Variants in SHROOM3 observed in about 807,000 individuals in gnomAD.
The protein encoded by SHROOM3 is protein Shroom3.
SHROOM3 carries 47 observed loss-of-function variants against 138.6 expected under a neutral mutation model. The observed-to-expected ratio is 0.34, with a 90% CI of 0.27 to 0.43. The LOEUF is 0.43. Among genes scored for constraint, SHROOM3 ranks in the 20% least tolerant of loss-of-function variants. The pLI is 1.00. For synonymous variants in SHROOM3, 1,062 were observed against 1,063.3 expected (o/e 1.00, Z 0.02); for missense variants, 2,491 against 2,596.5 (o/e 0.96, Z 0.88).
chr4:76,482,649 CT>C (rs1327696146), intron 1 of SHROOM3, among the ~76,000 whole-genome samples: 1 of 152,112 alleles, frequency 6.6e-6, no homozygotes, highest in Non-Finnish European at 1.5e-5. Context: ...GAAAAAATTA[CT>C]TTAAATTTCA....
In SHROOM3 at chr4:76,741,373, C is replaced by G. The variant is rs1344553981; in HGVS notation, c.3200C>G (p.Ala1067Gly). ...RRRLFERDGK[A>G]CSTLSLSGPE... is the part of the protein sequence containing the mutation. ...CGTCTCTTCGAGCGCGATGGCAAGG[C>G]CTGCTCCACGCTCAGCCTGTCGGGG... The change falls in exon 5 of 11, where the codon GCC becomes GGC. Residue 1067 changes from alanine to glycine, a missense_variant. By Grantham distance (60) the Ala-to-Gly change is moderately conservative. Coordinates refer to ENST00000296043, the MANE Select transcript of SHROOM3 (RefSeq NM_020859.4). The surrounding 1 kb of genome is among the most constrained non-coding windows in gnomAD (Gnocchi z 6.2). The G allele has an allele frequency of 2.1e-5, 34 of 1,604,916 alleles. No individual in the cohort carries two copies. The highest frequency in any genetic ancestry group is 2.8e-5 in the Non-Finnish European group (33 of 1,176,688).
chr4:76,629,980 T>C (rs1054190266), intron 2 of SHROOM3, among the ~76,000 whole-genome samples: 7 of 152,170 alleles, frequency 4.6e-5, no homozygotes, highest in African/African-American at 1.7e-4. Flanking sequence ...TGCTAATTCC[T>C]GAAAGTCCCG....
At chr4:76,450,015 G>T (rs58139176) in intron 1 of SHROOM3, among the ~76,000 whole-genome samples, 2,117 of 152,214 alleles carry the variant, frequency 0.014, 45 homozygotes, top group African/African-American at 0.047. Context: ...ACAGGGAGGG[G>T]TATTTCATCA....
At chr4:76,575,908 A>C (rs1733927370) in intron 2 of SHROOM3, among the ~76,000 whole-genome samples, 1 of 152,202 alleles carries the variant, frequency 6.6e-6, no homozygotes, top group Non-Finnish European at 1.5e-5. Flanking sequence ...AACATCATTG[A>C]TTATTAGAGA....
intron 1 of SHROOM3, among the ~76,000 whole-genome samples, chr4:76,547,942 C>G (rs1480678857): frequency 1.3e-5 from 2 of 151,668 alleles, no homozygotes; most frequent in African/African-American, 4.8e-5. Context: ...AACACACACA[C>G]ACACACACAC....
intron 2 of SHROOM3, among the ~76,000 whole-genome samples, chr4:76,610,893 A>G (rs765317162): frequency 6.6e-6 from 1 of 152,170 alleles, no homozygotes; most frequent in African/African-American, 2.4e-5. Context: ...GATTCAGGCA[A>G]TTGGTGACGA....
In SHROOM3 at chr4:76,770,878, G is replaced by A. The variant is rs776757151; in HGVS notation, c.5602G>A (p.Asp1868Asn). The A allele has an allele frequency of 4.3e-6, 7 of 1,614,142 alleles. No homozygotes were observed. The highest frequency in any genetic ancestry group is 5.9e-6 in the Non-Finnish European group (7 of 1,180,056). The change falls in exon 10 of 11, where the codon GAT (aspartate) becomes AAT (asparagine). Residue 1868 changes from aspartate (D) to asparagine (N), a missense_variant. Transcript: ENST00000296043. ...VENVLSGLGE[D>N]ASNEERSSLY... ...GAATGTCCTTAGCGGCCTTGGTGAA[G>A]ATGCCAGTAATGAAGAAAGGGTAGG...
intron 2 of SHROOM3, among the ~76,000 whole-genome samples, chr4:76,706,932 C>T (rs181382066): frequency 5.9e-5 from 9 of 152,228 alleles, no homozygotes; most frequent in African/African-American, 2.2e-4. Context: ...GAAATGATGT[C>T]GAAATTGAAA....
At position 76,754,748 on chromosome 4, in the gene SHROOM3, T is replaced by G; in HGVS notation, c.4265T>G (p.Leu1422Arg). The G allele has an allele frequency of 6.2e-7, 1 of 1,614,202 alleles. No homozygotes were observed. The highest frequency in any genetic ancestry group is 1.7e-5 in the Admixed American group (1 of 60,028). Residue 1422 changes from leucine (L) to arginine (R), a missense_variant, in exon 7 of 11, where the codon CTG (leucine) becomes CGG (arginine). Around this residue, in one of 4 missense-constraint regions of SHROOM3, gnomAD observed 1,733 missense variants for 1,661.6 expected, o/e 1.04. Transcript: ENST00000296043. ...VEEGTRKRVS[L>R]PQWPPPSRAK... Reference sequence around the variant, plus strand: ...GAGGGAACGAGGAAGAGGGTCTCGCTGCCTCAGTGGCCACCTCCTTCTCGA... The same window carrying G: ...GAGGGAACGAGGAAGAGGGTCTCGCGGCCTCAGTGGCCACCTCCTTCTCGA...
chr4:76,705,862 G>A (rs1720033027), intron 2 of SHROOM3, among the ~76,000 whole-genome samples: 1 of 152,104 alleles, frequency 6.6e-6, no homozygotes, highest in African/African-American at 2.4e-5. Context: ...GATATAGGAG[G>A]GAAGAAAGGC....
chr4:76,632,625 A>G (rs1735359325), intron 2 of SHROOM3, among the ~76,000 whole-genome samples: 1 of 152,164 alleles, frequency 6.6e-6, no homozygotes, highest in African/African-American at 2.4e-5. Context: ...CAAAATGAAG[A>G]CAAGTACAGA....
intron 1 of SHROOM3, among the ~76,000 whole-genome samples, chr4:76,522,026 A>G (rs1732576499): frequency 6.6e-6 from 1 of 152,118 alleles, no homozygotes; most frequent in Non-Finnish European, 1.5e-5. Flanking sequence ...TGGGGGCAAC[A>G]TATTAAACAA....
At chr4:76,772,492 T>C (rs189606144) in intron 10 of SHROOM3, among the ~76,000 whole-genome samples, 154 of 152,274 alleles carry the variant, frequency 1.0e-3, no homozygotes, top group African/African-American at 3.5e-3. Context: ...AGGTCCTTTT[T>C]CAAATAGATT....
chr4:76,749,718 G>GA (rs1553948355), intron 6 of SHROOM3, among the ~76,000 whole-genome samples: 1 of 152,134 alleles, frequency 6.6e-6, no homozygotes, highest in Non-Finnish European at 1.5e-5. Flanking sequence ...GAGGAAAGTC[G>GA]TTTTTTTAAA....
intron 2 of SHROOM3, among the ~76,000 whole-genome samples, chr4:76,652,502 A>G (rs1285173785): frequency 6.6e-6 from 1 of 152,168 alleles, no homozygotes; most frequent in Non-Finnish European, 1.5e-5. Context: ...CAGTATAAAC[A>G]TGTATTATAG....
chr4:76,727,125 T>C (rs376414167), intron 3 of SHROOM3, among the ~76,000 whole-genome samples: 1 of 152,226 alleles, frequency 6.6e-6, no homozygotes, highest in African/African-American at 2.4e-5. Context: ...AGTAGGAAGA[T>C]GACAGTTTGT....
Position 76,740,038 on chromosome 4 carries a change from T to C in SHROOM3, c.1865T>C (p.Leu622Pro). Residue 622 changes from leucine (L) to proline (P), a missense_variant, in exon 5 of 11, where the codon CTC (leucine) becomes CCC (proline). Coordinates refer to ENST00000296043, the MANE Select transcript of SHROOM3 (RefSeq NM_020859.4). This position sits in a 1 kb window ranked among gnomAD's most constrained non-coding sequence, Gnocchi z 4.0. ...GGTGAAGACAAGAGATCTTCCAGGC[T>C]CTCAGAGCCCTGGGAGGGCGATTTC... ...QAGEDKRSSR[L>P]SEPWEGDFQE... is the part of the protein sequence containing the mutation. 6.2e-7 allele frequency: 1 copy of C among 1,613,852 alleles called. No individual in the cohort carries two copies. The highest frequency in any genetic ancestry group is 8.5e-7 in the Non-Finnish European group (1 of 1,180,026).
At position 76,708,899 on chromosome 4, in the gene SHROOM3, G is replaced by A. The variant is rs115751188; in HGVS notation, c.324-1257G>A. ...AACCAATTTTCAAACTTCAAGTCTA[G>A]CACTATATTGAATATATCCAAAGCC... On this transcript the variant is annotated intron_variant, in intron 2 of 10. Coordinates refer to ENST00000296043, the MANE Select transcript of SHROOM3 (RefSeq NM_020859.4). Among the ~76,000 whole-genome samples, 334 of 152,320 alleles carry A rather than the reference G, an allele frequency of 2.2e-3. 1 individual carries two copies. Among genetic ancestry groups the A allele is most frequent in the South Asian group, 6.8e-3 (33 of 4,830 alleles).
chr4:76,695,828 G>A lies in SHROOM3; in HGVS notation c.324-14328G>A, dbSNP rs544225540. Among the ~76,000 whole-genome samples, 16 of 152,286 alleles carry A rather than the reference G, an allele frequency of 1.1e-4. 1 individual carries two copies. The highest frequency in any genetic ancestry group is 3.9e-4 in the African/African-American group (16 of 41,552). ...AGTTAACTAGGCAGCCAGAATCTCA[G>A]GACCATTTCCTCAGCCACTCAAGTG... On this transcript the variant is annotated intron_variant, in intron 2 of 10. Coordinates refer to ENST00000296043, the MANE Select transcript of SHROOM3 (RefSeq NM_020859.4).
Sources: gnomAD v4.1 joint callset for allele counts (sites outside exome capture counted in the v4.1 genomes callset) on GRCh38, gnomAD v4.1.1 for gene constraint, gnomAD v4.1.1 regional missense constraint, Gnocchi (gnomAD v3.1) non-coding constraint, MANE v1.5 for transcripts, NCBI Gene and HGNC (gene_info 2026-07-23, HGNC 2026-07-21) for gene names.